DRC7: variants seen among roughly 807,000 people sequenced by gnomAD.
DRC7 encodes dynein regulatory complex subunit 7, also known as coiled-coil domain containing 135.
In DRC7, 80 loss-of-function variants were observed where a neutral mutation model predicts 104.4. The ratio of observed to expected loss-of-function variants is 0.77; its 90% CI spans 0.64 to 0.92. The LOEUF (loss-of-function observed/expected upper bound fraction) is 0.92, where lower values mean the gene tolerates loss of function less well. Among genes scored for constraint, DRC7 ranks in the 40% least tolerant of loss-of-function variants. The pLI, the probability that DRC7 is intolerant of heterozygous loss-of-function variation, is 0.00. For synonymous variants in DRC7, 405 were observed against 447.3 expected (o/e 0.91, Z 1.19); for missense variants, 1,034 against 1,141.1 (o/e 0.91, Z 1.35).
rs1380100522 is a variant in DRC7 at position 57,701,983 on chromosome 16, G to C, written c.552G>C (p.Gly184=). 6.2e-7 allele frequency: 1 copy of C among 1,614,178 alleles called. No homozygotes were observed. The highest frequency in any genetic ancestry group is 1.3e-5 in the African/African-American group (1 of 75,036). ...CCACTGTGCTCAAGTACCAGAAGGG[G>C]AACTGCTTTGACTTCAGTACGCTGC... The part of the protein sequence containing the change: ...SSTTVLKYQK[G]NCFDFSTLLC... Residue 184 remains glycine, a synonymous_variant, in exon 6 of 19, where the codon GGG becomes GGC. Transcript: ENST00000360716.
chr16:57,701,559 C>T (rs571856567), intron 5 of DRC7: 1 of 170,676 alleles, frequency 5.9e-6, no homozygotes, highest in Admixed American at 5.9e-5. Context: ...GAAGAAAGGG[C>T]AAGGTCAACA....
intron 8 of DRC7, among the ~76,000 whole-genome samples, chr16:57,716,352 A>G (rs771011629): frequency 5.3e-5 from 8 of 151,874 alleles, no homozygotes; most frequent in South Asian, 2.1e-4. Flanking sequence ...AAAATACACA[A>G]ATTAGCTGGG....
At chr16:57,719,285 C>T (rs547587175) in intron 9 of DRC7, among the ~76,000 whole-genome samples, 10 of 152,160 alleles carry the variant, frequency 6.6e-5, no homozygotes, top group Non-Finnish European at 2.9e-5. Flanking sequence ...TAAGTGCATT[C>T]GTCTGGCATC....
At chr16:57,721,580 C>G in intron 9 of DRC7, 87 bp from the exon 10 acceptor site, 1 of 1,048,554 alleles carries the variant, frequency 9.5e-7, no homozygotes, top group South Asian at 1.4e-5. Context: ...TGGCTTGGCT[C>G]TGCAGGCAGA....
chr16:57,720,136 C>T (rs1381028313), intron 9 of DRC7, among the ~76,000 whole-genome samples: 1 of 152,176 alleles, frequency 6.6e-6, no homozygotes, highest in Non-Finnish European at 1.5e-5. Flanking sequence ...GAGGTGGGCA[C>T]TGGTATTACC....
chr16:57,730,857 TG>T, intron 17 of DRC7, 73 bp from the exon 18 acceptor site: 3 of 1,524,658 alleles, frequency 2.0e-6, no homozygotes, highest in African/African-American at 1.4e-5. Context: ...TAGTGACCCA[TG>T]GGATTGCAGC....
Position 57,722,836 on chromosome 16 carries a change from T to C in DRC7, c.1403T>C (p.Leu468Ser). 6.2e-7 allele frequency: 1 copy of C among 1,613,724 alleles called. No individual in the cohort carries two copies. The change falls in exon 11 of 19, where the codon TTG becomes TCG. Residue 468 changes from leucine (L) to serine (S), a missense_variant. Transcript: ENST00000360716. Reference sequence around the variant, plus strand: ...AGCCGCCTCACCACCTATGAGGACTTGCAGTGTAAGGGGGATTGCTCTGGA... The same window carrying C: ...AGCCGCCTCACCACCTATGAGGACTCGCAGTGTAAGGGGGATTGCTCTGGA... ...LVSRLTTYED[L>S]QCTNILEIKE...
At position 57,698,961 on chromosome 16, in the gene DRC7, C is replaced by T; in HGVS notation, c.315C>T (p.Tyr105=). ...TGGCAGACAACTTCTCCCGCCAGTA[C>T]AGCCATCTGTGCCCGGACCGCGTGC... ...LQVADNFSRQ[Y]SHLCPDRVPL... The change falls in exon 4 of 19, where the codon TAC becomes TAT. Residue 105 remains tyrosine, a synonymous_variant. Coordinates refer to ENST00000360716, the MANE Select transcript of DRC7 (RefSeq NM_001289162.2). 6.2e-7 allele frequency: 1 copy of T among 1,614,242 alleles called. No individual in the cohort carries two copies. The highest frequency in any genetic ancestry group is 8.5e-7 in the Non-Finnish European group (1 of 1,180,042).
Position 57,724,733 on chromosome 16 carries a change from T to C in DRC7, c.1656T>C (p.Tyr552=). 2 of 1,613,870 alleles carry C rather than the reference T, an allele frequency of 1.2e-6. No individual in the cohort carries two copies. The highest frequency in any genetic ancestry group is 1.7e-6 in the Non-Finnish European group (2 of 1,180,012). The change falls in exon 13 of 19, where the codon TAT becomes TAC. Residue 552 remains tyrosine, a synonymous_variant. Transcript: ENST00000360716. ...EETPRTMTEY[Y]QGRPDFLSYR... ...CACCCAGGACAATGACAGAGTACTA[T>C]CAAGGACGCCCAGACTTCCTCTCCT...
At position 57,712,708 on chromosome 16, in the gene DRC7, C is replaced by T. The variant is rs140518358; in HGVS notation, c.1077+5030C>T. ...TTGAGACAGAGTTTCGCTCTTGTTG[C>T]CCAGGCTGGAGTGCAATGGCGCGAT... On this transcript the variant is annotated intron_variant, in intron 8 of 18. Transcript: ENST00000360716. 3.0e-3 allele frequency among the ~76,000 whole-genome samples: 451 copies of T among 151,774 alleles called. 2 individuals carry two copies. Among genetic ancestry groups the T allele is most frequent in the African/African-American group, 0.01 (433 of 41,352 alleles).
intron 8 of DRC7, among the ~76,000 whole-genome samples, chr16:57,713,605 A>G (rs879880598): frequency 2.6e-5 from 4 of 152,200 alleles, no homozygotes; most frequent in Non-Finnish European, 5.9e-5. Flanking sequence ...CTGTGAGTCC[A>G]TTAAACCTCT....
rs374686089 is a variant in DRC7 at position 57,699,037 on chromosome 16, T to G, written c.378+13T>G. The G allele has an allele frequency of 7.4e-6, 12 of 1,612,398 alleles. No individual in the cohort carries two copies. Among genetic ancestry groups the G allele is most frequent in the Non-Finnish European group, 1.0e-5 (12 of 1,179,106 alleles). On this transcript the variant is annotated intron_variant, in intron 4 of 18. Coordinates refer to ENST00000360716, the MANE Select transcript of DRC7 (RefSeq NM_001289162.2). ...GTGTGAAGTGCCCGTAAGGCTGGCA[T>G]GTTGAGGGCAGGGCTGGGGAGCCTG...
intron 8 of DRC7, 98 bp downstream of exon 8, chr16:57,707,776 C>T: frequency 1.8e-6 from 2 of 1,089,040 alleles, no homozygotes; most frequent in Non-Finnish European, 2.7e-6. Flanking sequence ...GAGAGCGAGA[C>T]ACCAGGCCAC....
intron 15 of DRC7, 117 bp downstream of exon 15, chr16:57,727,059 C>T: frequency 1.4e-6 from 1 of 709,576 alleles, no homozygotes; most frequent in Admixed American, 2.3e-5. Flanking sequence ...ATCCCGGGCT[C>T]AGGTGGTCCT....
At position 57,728,453 on chromosome 16, in the gene DRC7, T is replaced by C. The variant is rs751345485; in HGVS notation, c.2260T>C (p.Phe754Leu). 1 of 1,612,212 alleles carries C rather than the reference T, an allele frequency of 6.2e-7. No homozygotes were observed. The highest frequency in any genetic ancestry group is 1.1e-5 in the South Asian group (1 of 91,002). ...GACCCAGCTGGACTACCTGGCCCCA[T>C]TCCTGGCCCAGCTCCCGCCAGGAGA... ...VETQLDYLAPFLAQLPPGEKL... is the reference protein window; with the variant it reads ...VETQLDYLAPLLAQLPPGEKL... Residue 754 changes from phenylalanine (F) to leucine (L), a missense_variant, in exon 17 of 19, where the codon TTC becomes CTC. By Grantham distance (22) the Phe-to-Leu change is conservative. Coordinates refer to ENST00000360716, the MANE Select transcript of DRC7 (RefSeq NM_001289162.2).
At chr16:57,700,656 CAAAAAA>C (rs59120133) in intron 5 of DRC7, among the ~76,000 whole-genome samples, 1 of 88,618 alleles carries the variant, frequency 1.1e-5, no homozygotes, top group Non-Finnish European at 2.2e-5. Flanking sequence ...AAAACTCTCT[CAAAAAA>C]AAAAAAAAAA....
At chr16:57,727,123 G>A (rs2048978550) in intron 15 of DRC7, 176 bp from the exon 16 acceptor site, 5 of 655,402 alleles carry the variant, frequency 7.6e-6, no homozygotes, top group Non-Finnish European at 1.1e-5. Flanking sequence ...ACCATGCCTG[G>A]CTAATTTCTT....
Position 57,698,906 on chromosome 16 carries a change from A to G in DRC7, c.260A>G (p.Asn87Ser). ...AAGCTGCCCATTTCCTACAAAACCA[A>G]CACACCCAAGGAGGAACACCTGCTG... ...ISKLPISYKT[N>S]TPKEEHLLQV... is the part of the protein sequence containing the mutation. The change falls in exon 4 of 19, where the codon AAC becomes AGC. Residue 87 changes from asparagine to serine, a missense_variant. Physicochemically the swap from Asn to Ser is conservative, Grantham distance 46. Coordinates refer to ENST00000360716, the MANE Select transcript of DRC7 (RefSeq NM_001289162.2). The G allele has an allele frequency of 6.2e-7, 1 of 1,613,912 alleles. No homozygotes were observed. The highest frequency in any genetic ancestry group is 8.5e-7 in the Non-Finnish European group (1 of 1,179,938).
chr16:57,695,088 C>G lies in DRC7; in HGVS notation c.-169+236C>G, dbSNP rs77314210. ...CTAAGGAACCTTGAGATAAGACTGC[C>G]TTCCCCACACTGGGCTATAGCTGAA... On this transcript the variant is annotated intron_variant, in intron 1 of 18. Coordinates refer to ENST00000360716, the MANE Select transcript of DRC7 (RefSeq NM_001289162.2). Among the ~76,000 whole-genome samples, 381 of 152,186 alleles carry G rather than the reference C, an allele frequency of 2.5e-3. 7 individuals carry two copies. The South Asian group carries it at 0.049, about 20-fold the overall frequency.
Sources: allele counts gnomAD v4.1 joint callset (sites outside exome capture counted in the v4.1 genomes callset), GRCh38; gene constraint gnomAD v4.1.1; transcripts MANE v1.5; gene names NCBI Gene and HGNC (gene_info 2026-07-23, HGNC 2026-07-21).